Variants in KCNN3 observed in about 807,000 individuals in gnomAD.
KCNN3 encodes potassium calcium-activated channel subfamily N member 3.
A neutral mutation model predicts 62.9 loss-of-function variants in KCNN3; 16 were observed. The observed-to-expected ratio is 0.25, with a 90% CI of 0.17 to 0.39. KCNN3 has a LOEUF of 0.39. KCNN3 is among the 10% of genes least tolerant of loss of function. KCNN3 has a pLI of 1.00. For synonymous variants in KCNN3, 370 were observed against 389.2 expected (o/e 0.95, Z 0.58); for missense variants, 599 against 949.4 (o/e 0.63, Z 4.85).
At position 154,751,651 on chromosome 1, in the gene KCNN3, T is replaced by A. The variant is rs906275; in HGVS notation, c.1449-18507A>T. On this transcript the variant is annotated intron_variant, in intron 3 of 7. Coordinates refer to ENST00000271915, the MANE Select transcript of KCNN3 (RefSeq NM_002249.6). ...AGAATGGCAACACTCAGAGTCACCA[T>A]GGAAGCCAACCTGTCTGTCTGTCCC... Among the ~76,000 whole-genome samples the A allele has an allele frequency of 4.3e-4, 65 of 152,134 alleles. 3 individuals are homozygous for A. Among genetic ancestry groups the A allele is most frequent in the African/African-American group, 1.5e-3 (64 of 41,486 alleles).
intron 7 of KCNN3, among the ~76,000 whole-genome samples, chr1:154,712,163 C>T (rs183450472): frequency 6.6e-6 from 1 of 152,180 alleles, no homozygotes; most frequent in African/African-American, 2.4e-5. Context: ...CGAGTCAGTT[C>T]CTTCCTGCAG....
At chr1:154,859,670 T>C in intron 1 of KCNN3, 1 of 1,612,148 alleles carries the variant, frequency 6.2e-7, no homozygotes, top group South Asian at 1.1e-5. Flanking sequence ...CCCTACCTAC[T>C]GGGTAACCTG....
chr1:154,711,028 A>G (rs1434756526), intron 7 of KCNN3, among the ~76,000 whole-genome samples: 5 of 152,346 alleles, frequency 3.3e-5, no homozygotes, highest in South Asian at 4.1e-4. Context: ...ATGCTGCTGT[A>G]AAGACACATG....
intron 1 of KCNN3, among the ~76,000 whole-genome samples, chr1:154,826,339 A>C (rs114529028): frequency 0.021 from 3,184 of 152,242 alleles, 113 homozygotes; most frequent in African/African-American, 0.074. Context: ...GTGATTTCTC[A>C]TTGATGACAA....
chr1:154,827,427 C>T (rs1241265139), intron 1 of KCNN3, among the ~76,000 whole-genome samples: 1 of 152,176 alleles, frequency 6.6e-6, no homozygotes, highest in African/African-American at 2.4e-5. Context: ...CTGTCCAGTT[C>T]TTGGGATCTT....
At position 154,703,792 on chromosome 1, in the gene KCNN3, G is replaced by GT. The variant is rs1699913347; in HGVS notation, c.*4183dup. 6.6e-6 allele frequency: 1 copy of GT among 152,166 alleles called. No individual in the cohort carries two copies. The highest frequency in any genetic ancestry group is 1.5e-5 in the Non-Finnish European group (1 of 68,034). 9.4% of individuals were successfully genotyped at this position (152,166 alleles called of 1,614,324 possible). ...TGGTAACTACTGACTGCATTCAAAC[G>GT]TAACATCAAGGTGTGATCTAGATAC... On this transcript the variant is annotated 3_prime_UTR_variant, in exon 8 of 8. Coordinates refer to ENST00000271915, the MANE Select transcript of KCNN3 (RefSeq NM_002249.6).
At chr1:154,865,633 C>A (rs1294641927) in intron 1 of KCNN3, among the ~76,000 whole-genome samples, 2 of 152,286 alleles carry the variant, frequency 1.3e-5, no homozygotes, top group African/African-American at 4.8e-5. Context: ...CACATTGGCT[C>A]CCATTTGCAT....
At chr1:154,746,437 A>C (rs145303145) in intron 3 of KCNN3, among the ~76,000 whole-genome samples, 24 of 152,090 alleles carry the variant, frequency 1.6e-4, no homozygotes, top group African/African-American at 5.6e-4. Context: ...CAAAGTTGCC[A>C]GTGCTGGGGT....
At chr1:154,829,016 A>G (rs887610392) in intron 1 of KCNN3, among the ~76,000 whole-genome samples, 3 of 152,100 alleles carry the variant, frequency 2.0e-5, no homozygotes, top group Non-Finnish European at 4.4e-5. Flanking sequence ...GGGATTCCCC[A>G]CCCGCTCCAA....
intron 2 of KCNN3, among the ~76,000 whole-genome samples, chr1:154,777,469 C>T (rs1648838415): frequency 6.6e-6 from 1 of 152,142 alleles, no homozygotes; most frequent in South Asian, 2.1e-4. Flanking sequence ...AAATCCATTC[C>T]TAAGCCTGTG....
intron 1 of KCNN3, among the ~76,000 whole-genome samples, chr1:154,858,056 A>C (rs1240952730): frequency 6.6e-6 from 1 of 151,906 alleles, no homozygotes; most frequent in East Asian, 1.9e-4. Flanking sequence ...CATCAATTTC[A>C]TTTCACTCTT....
intron 2 of KCNN3, among the ~76,000 whole-genome samples, chr1:154,810,795 C>T (rs942125057): frequency 1.3e-5 from 2 of 152,172 alleles, no homozygotes; most frequent in African/African-American, 4.8e-5. Context: ...CTCAGCCCAC[C>T]TTCTAGGCTG....
chr1:154,836,225 T>C (rs377511225), intron 1 of KCNN3, among the ~76,000 whole-genome samples: 1 of 152,136 alleles, frequency 6.6e-6, no homozygotes. Flanking sequence ...AGCCAGAAGG[T>C]ACCTCGTACA....
chr1:154,698,098 C>A lies in KCNN3; in HGVS notation c.*9878G>T, dbSNP rs1699774999. 1 of 152,168 alleles carries A rather than the reference C, an allele frequency of 6.6e-6. No individual in the cohort carries two copies. The highest frequency in any genetic ancestry group is 6.5e-5 in the Admixed American group (1 of 15,276). The allele number at this position is 152,168 out of a possible 1,614,324, so 9.4% of individuals were successfully genotyped here. On this transcript the variant is annotated 3_prime_UTR_variant, in exon 8 of 8. Transcript: ENST00000271915. Reference sequence around the variant, plus strand: ...TTAAGGAATGACAGCAGTAGAAATGCAGCTAGATATATTTTTGAAAACATT... The same window carrying A: ...TTAAGGAATGACAGCAGTAGAAATGAAGCTAGATATATTTTTGAAAACATT...
chr1:154,829,864 T>C (rs1571318117), intron 1 of KCNN3, among the ~76,000 whole-genome samples: 1 of 152,192 alleles, frequency 6.6e-6, no homozygotes, highest in Admixed American at 6.5e-5. Flanking sequence ...CCATGCCTGG[T>C]GTCTCCCATT....
intron 3 of KCNN3, among the ~76,000 whole-genome samples, chr1:154,770,332 T>C (rs919922903): frequency 2.0e-4 from 30 of 152,378 alleles, no homozygotes; most frequent in African/African-American, 6.7e-4. Flanking sequence ...ACCGTGTGTC[T>C]GTTGGCCAAA....
chr1:154,748,156 G>T (rs1321671790), intron 3 of KCNN3, among the ~76,000 whole-genome samples: 1 of 152,140 alleles, frequency 6.6e-6, no homozygotes, highest in Non-Finnish European at 1.5e-5. Context: ...TTTAAACCTG[G>T]TCTCATCTCA....
At position 154,699,429 on chromosome 1, in the gene KCNN3, C is replaced by CTGTAATATT. The variant is rs1699807044; in HGVS notation, c.*8546_*8547insAATATTACA. On this transcript the variant is annotated 3_prime_UTR_variant, in exon 8 of 8. Transcript: ENST00000271915. ...TGTGTGCACCTATGTATGTATAAAT[C>CTGTAATATT]TGTAAATATTTGCCTACATACACGT... 1 of 152,012 alleles carries CTGTAATATT rather than the reference C, an allele frequency of 6.6e-6. No homozygotes were observed. The highest frequency in any genetic ancestry group is 1.5e-5 in the Non-Finnish European group (1 of 68,012). The allele number at this position is 152,012 out of a possible 1,614,324, so 9.4% of individuals were successfully genotyped here.
chr1:154,730,019 G>C (rs1469065684), intron 4 of KCNN3, among the ~76,000 whole-genome samples: 1 of 152,226 alleles, frequency 6.6e-6, no homozygotes, highest in Non-Finnish European at 1.5e-5. Context: ...ATGCCAAGCA[G>C]CCTTGGGGGC....
Sources: allele counts gnomAD v4.1 joint callset (sites outside exome capture counted in the v4.1 genomes callset), GRCh38; gene constraint gnomAD v4.1.1; transcripts MANE v1.5; gene names NCBI Gene and HGNC (gene_info 2026-07-23, HGNC 2026-07-21).